Variants in BHLHA9 observed in about 807,000 individuals in gnomAD.
The protein encoded by BHLHA9 is basic helix-loop-helix family member a9.
For missense variants in BHLHA9, 344 were observed against 365.9 expected, an observed-to-expected ratio of 0.94 and a Z score of 0.49; for synonymous variants, 177 against 179.7, an observed-to-expected ratio of 0.98 and a Z score of 0.12.
chr17:1,270,978 C>T lies in BHLHA9; in HGVS notation c.415C>T (p.Pro139Ser), dbSNP rs2071878374. The T allele has an allele frequency of 2.4e-6, 3 of 1,227,472 alleles. No homozygotes were observed. Among genetic ancestry groups the T allele is most frequent in the Non-Finnish European group, 3.0e-6 (3 of 985,650 alleles). 76.0% of individuals were successfully genotyped at this position (1,227,472 alleles called of 1,614,324 possible). Residue 139 changes from proline to serine, a missense_variant, in exon 1 of 1, where the codon CCG becomes TCG. Pro to Ser is a moderately conservative substitution (Grantham distance 74). Transcript: ENST00000391429. ...GPCGHLECHG[P>S]AARGDTGDTG... is the part of the protein sequence containing the mutation. ...CTGCGGACACCTGGAGTGCCACGGC[C>T]CGGCCGCGCGCGGGGACACCGGGGA...
chr17:1,271,720 C>T lies in BHLHA9; in HGVS notation c.*449C>T, dbSNP rs1353289798. On this transcript the variant is annotated 3_prime_UTR_variant, in exon 1 of 1. Transcript: ENST00000391429. ...TCGTGGGCACATGAGTGCGGAGTCC[C>T]CTTCCCTGCCTGCGCTGCTGCCCAA... Among the ~76,000 whole-genome samples, 6 of 152,268 alleles carry T rather than the reference C, an allele frequency of 3.9e-5. No individual in the cohort carries two copies. The highest frequency in any genetic ancestry group is 3.9e-4 in the Admixed American group (6 of 15,294).
chr17:1,270,497 G>A lies in BHLHA9; in HGVS notation c.-67G>A. 1 of 949,468 alleles carries A rather than the reference G, an allele frequency of 1.1e-6. No individual in the cohort carries two copies. Among genetic ancestry groups the A allele is most frequent in the Non-Finnish European group, 1.4e-6 (1 of 725,492 alleles). The allele number at this position is 949,468 out of a possible 1,614,324, so 58.8% of individuals were successfully genotyped here. ...CCGTCCGCGTCGCGAGCCGGGCCAA[G>A]GCAGTGGGCAGAGGGCAGAGGGCAG... is the stretch of plus-strand genomic sequence containing the variant. On this transcript the variant is annotated 5_prime_UTR_variant, in exon 1 of 1. Transcript: ENST00000391429.
rs1057093010 is a variant in BHLHA9, at chr17:1,270,756, G to T, written c.193G>T (p.Ala65Ser). Residue 65 changes from alanine (A) to serine (S), a missense_variant, in exon 1 of 1, where the codon GCG (alanine) becomes TCG (serine). Ala to Ser is a moderately conservative substitution (Grantham distance 99). Coordinates refer to ENST00000391429, the MANE Select transcript of BHLHA9 (RefSeq NM_001164405.2). The part of the protein sequence containing the change: ...RRRARPVRSK[A>S]RRMAANVRER... ...GCGCGCGCGGCCGGTGCGGTCCAAGGCGCGGCGCATGGCCGCCAACGTGCG... is the reference window on the plus strand; with the variant it reads ...GCGCGCGCGGCCGGTGCGGTCCAAGTCGCGGCGCATGGCCGCCAACGTGCG... 30 of 1,453,604 alleles carry T rather than the reference G, an allele frequency of 2.1e-5. No individual in the cohort carries two copies. The highest frequency in any genetic ancestry group is 7.5e-5 in the Admixed American group (3 of 39,926). The allele number at this position is 1,453,604 out of a possible 1,614,324, so 90.0% of individuals were successfully genotyped here. A position where few individuals can be genotyped will look rare whatever the true frequency, so the allele number is the denominator to read the frequency against.
In BHLHA9 at chr17:1,270,751, C is replaced by G; in HGVS notation, c.188C>G (p.Ser63Cys). 6.9e-7 allele frequency: 1 copy of G among 1,449,120 alleles called. No homozygotes were observed. Among genetic ancestry groups the G allele is most frequent in the Non-Finnish European group, 9.1e-7 (1 of 1,104,892 alleles). The allele number at this position is 1,449,120 out of a possible 1,614,324, so 89.8% of individuals were successfully genotyped here. The change falls in exon 1 of 1, where the codon TCC (serine) becomes TGC (cysteine). Residue 63 changes from serine to cysteine, a missense_variant. Coordinates refer to ENST00000391429, the MANE Select transcript of BHLHA9 (RefSeq NM_001164405.2). The stretch of plus-strand genomic sequence containing the variant: ...AGGAGGCGCGCGCGGCCGGTGCGGT[C>G]CAAGGCGCGGCGCATGGCCGCCAAC... ...AGRRRARPVR[S>C]KARRMAANVR...
rs2071881806 is a variant in BHLHA9, at chr17:1,271,259, T to C, written c.696T>C (p.His232=). 6.4e-6 allele frequency: 8 copies of C among 1,253,522 alleles called. No individual in the cohort carries two copies. The highest frequency in any genetic ancestry group is 8.1e-6 in the Non-Finnish European group (8 of 991,478). The allele number at this position is 1,253,522 out of a possible 1,614,324, so 77.6% of individuals were successfully genotyped here. A position where few individuals can be genotyped will look rare whatever the true frequency, so the allele number is the denominator to read the frequency against. Residue 232 remains histidine (H), a synonymous_variant, in exon 1 of 1, where the codon CAT becomes CAC. Transcript: ENST00000391429. Reference sequence around the variant, plus strand: ...TGCGATCCGCCCCCGGGATGGGCCATCCGCGCTCCTGACCGGCCTCGAGGC... The same window carrying C: ...TGCGATCCGCCCCCGGGATGGGCCACCCGCGCTCCTGACCGGCCTCGAGGC... ...GYLRSAPGMG[H]PRS
At position 1,271,005 on chromosome 17, in the gene BHLHA9, AC is replaced by A; in HGVS notation, c.443del (p.Thr148LysfsTer50). The A allele has an allele frequency of 8.3e-7, 1 of 1,208,674 alleles. No homozygotes were observed. The highest frequency in any genetic ancestry group is 1.0e-6 in the Non-Finnish European group (1 of 974,180). The allele number at this position is 1,208,674 out of a possible 1,614,324, so 74.9% of individuals were successfully genotyped here. ...GPAARGDTGD[T>X]GASPPPPAGP... ...GGCCGCGCGCGGGGACACCGGGGAC[AC>A]AGGCGCCAGCCCCCCGCCGCCTGCA... On this transcript the variant is annotated frameshift_variant, in exon 1 of 1. Coordinates refer to ENST00000391429, the MANE Select transcript of BHLHA9 (RefSeq NM_001164405.2). LOFTEE classifies it low-confidence loss of function (END_TRUNC).
At position 1,270,987 on chromosome 17, in the gene BHLHA9, C is replaced by A. The variant is rs2071878722; in HGVS notation, c.424C>A (p.Arg142Ser). The change falls in exon 1 of 1, where the codon CGC becomes AGC. Residue 142 changes from arginine to serine, a missense_variant. Transcript: ENST00000391429. ...GHLECHGPAA[R>S]GDTGDTGASP... is the part of the protein sequence containing the mutation. ...CCTGGAGTGCCACGGCCCGGCCGCG[C>A]GCGGGGACACCGGGGACACAGGCGC... is the stretch of plus-strand genomic sequence containing the variant. 2 of 1,221,316 alleles carry A rather than the reference C, an allele frequency of 1.6e-6. No individual in the cohort carries two copies. Among genetic ancestry groups the A allele is most frequent in the African/African-American group, 1.6e-5 (1 of 63,332 alleles). The allele number at this position is 1,221,316 out of a possible 1,614,324, so 75.7% of individuals were successfully genotyped here.
chr17:1,270,689 T>G lies in BHLHA9; in HGVS notation c.126T>G (p.Ala42=), dbSNP rs979834408. Residue 42 remains alanine (A), a synonymous_variant, in exon 1 of 1, where the codon GCT becomes GCG. Transcript: ENST00000391429. ...GDSGVLGANG[A]SCSRGEAEEP... ...CGGGGGTGCTGGGGGCGAACGGCGC[T>G]TCCTGCAGCCGGGGCGAGGCGGAGG... 76 of 1,324,600 alleles carry G rather than the reference T, an allele frequency of 5.7e-5. No individual in the cohort carries two copies. The highest frequency in any genetic ancestry group is 2.5e-4 in the Middle Eastern group (1 of 4,038). 82.1% of individuals were successfully genotyped at this position (1,324,600 alleles called of 1,614,324 possible).
chr17:1,270,890 G>C lies in BHLHA9; in HGVS notation c.327G>C (p.Arg109Ser). The change falls in exon 1 of 1, where the codon AGG becomes AGC. Residue 109 changes from arginine (R) to serine (S), a missense_variant. Coordinates refer to ENST00000391429, the MANE Select transcript of BHLHA9 (RefSeq NM_001164405.2). ...TCTCCAAGATCGCCACGCTGCGCAG[G>C]GCCATCCACCGCATCGCCGCGCTCT... is the stretch of plus-strand genomic sequence containing the variant. ...KRLSKIATLR[R>S]AIHRIAALSL... 6.9e-7 allele frequency: 1 copy of C among 1,445,254 alleles called. No individual in the cohort carries two copies. Among genetic ancestry groups the C allele is most frequent in the Non-Finnish European group, 9.1e-7 (1 of 1,101,792 alleles). The allele number at this position is 1,445,254 out of a possible 1,614,324, so 89.5% of individuals were successfully genotyped here.
Position 1,270,481 on chromosome 17 carries a change from T to TGCGCCTCGTGCCCCCCGCA in BHLHA9, c.-83_-82insGCGCCTCGTGCCCCCCGCA. On this transcript the variant is annotated 5_prime_UTR_variant, in exon 1 of 1. Transcript: ENST00000391429. ...CCCCAGGAGCCGGGGACCGTCCGCG[T>TGCGCCTCGTGCCCCCCGCA]CGCGAGCCGGGCCAAGGCAGTGGGC... is the stretch of plus-strand genomic sequence containing the variant. 1.3e-6 allele frequency: 1 copy of TGCGCCTCGTGCCCCCCGCA among 793,816 alleles called. No individual in the cohort carries two copies. The highest frequency in any genetic ancestry group is 1.7e-6 in the Non-Finnish European group (1 of 586,050). The allele number at this position is 793,816 out of a possible 1,614,324, so 49.2% of individuals were successfully genotyped here.
At position 1,271,181 on chromosome 17, in the gene BHLHA9, C is replaced by A; in HGVS notation, c.618C>A (p.Arg206=). 1.6e-6 allele frequency: 2 copies of A among 1,245,984 alleles called. No homozygotes were observed. Among genetic ancestry groups the A allele is most frequent in the South Asian group, 7.4e-5 (2 of 26,850 alleles). The allele number at this position is 1,245,984 out of a possible 1,614,324, so 77.2% of individuals were successfully genotyped here. ...GLAQASGGSW[R]RCPGASSAGP... is the part of the protein sequence containing the mutation. Reference sequence around the variant, plus strand: ...CACAGGCCTCCGGGGGAAGCTGGCGCCGCTGTCCGGGGGCTTCCTCTGCCG... The same window carrying A: ...CACAGGCCTCCGGGGGAAGCTGGCGACGCTGTCCGGGGGCTTCCTCTGCCG... The change falls in exon 1 of 1, where the codon CGC becomes CGA. Residue 206 remains arginine, a synonymous_variant. Coordinates refer to ENST00000391429, the MANE Select transcript of BHLHA9 (RefSeq NM_001164405.2).
chr17:1,271,443 C>T lies in BHLHA9; in HGVS notation c.*172C>T. On this transcript the variant is annotated 3_prime_UTR_variant, in exon 1 of 1. Transcript: ENST00000391429. ...AGCTCCGGGACCCGGGGTTGCGCCC[C>T]CACATCCCAGCCTGGGGCAGAGAGA... 1 of 456,528 alleles carries T rather than the reference C, an allele frequency of 2.2e-6. No individual in the cohort carries two copies. Among genetic ancestry groups the T allele is most frequent in the Non-Finnish European group, 3.7e-6 (1 of 267,886 alleles). 28.3% of individuals were successfully genotyped at this position (456,528 alleles called of 1,614,324 possible).
rs1046808951 is a variant in BHLHA9 at position 1,270,718 on chromosome 17, C to T, written c.155C>T (p.Pro52Leu). The stretch of plus-strand genomic sequence containing the variant: ...TGCAGCCGGGGCGAGGCGGAGGAGC[C>T]GGCGGGCAGGAGGCGCGCGCGGCCG... ...ASCSRGEAEE[P>L]AGRRRARPVR... The change falls in exon 1 of 1, where the codon CCG becomes CTG. Residue 52 changes from proline (P) to leucine (L), a missense_variant. By Grantham distance (98) the Pro-to-Leu change is moderately conservative. Transcript: ENST00000391429. 11 of 1,342,662 alleles carry T rather than the reference C, an allele frequency of 8.2e-6. No individual in the cohort carries two copies. Among genetic ancestry groups the T allele is most frequent in the Non-Finnish European group, 9.5e-6 (10 of 1,056,510 alleles). The allele number at this position is 1,342,662 out of a possible 1,614,324, so 83.2% of individuals were successfully genotyped here.
At position 1,271,505 on chromosome 17, in the gene BHLHA9, CAGCCTAGGGAGGCAGTTGCCAGAA is replaced by C. The variant is rs1181071237; in HGVS notation, c.*237_*260del. ...GGCCTGGGGCTGCGCCCCCACATCC[CAGCCTAGGGAGGCAGTTGCCAGAA>C]AGGCTCAGGATCCTGAACTCATCTT... On this transcript the variant is annotated 3_prime_UTR_variant, in exon 1 of 1. Transcript: ENST00000391429. 1 of 399,206 alleles carries C rather than the reference CAGCCTAGGGAGGCAGTTGCCAGAA, an allele frequency of 2.5e-6. No individual in the cohort carries two copies. Among genetic ancestry groups the C allele is most frequent in the African/African-American group, 2.1e-5 (1 of 48,204 alleles). 24.7% of individuals were successfully genotyped at this position (399,206 alleles called of 1,614,324 possible). A position where few individuals can be genotyped will look rare whatever the true frequency, so the allele number is the denominator to read the frequency against.
At position 1,270,796 on chromosome 17, in the gene BHLHA9, T is replaced by A; in HGVS notation, c.233T>A (p.Ile78Asn). 6.8e-7 allele frequency: 1 copy of A among 1,474,790 alleles called. No individual in the cohort carries two copies. 91.4% of individuals were successfully genotyped at this position (1,474,790 alleles called of 1,614,324 possible). The change falls in exon 1 of 1, where the codon ATC becomes AAC. Residue 78 changes from isoleucine (I) to asparagine (N), a missense_variant. Coordinates refer to ENST00000391429, the MANE Select transcript of BHLHA9 (RefSeq NM_001164405.2). The stretch of plus-strand genomic sequence containing the variant: ...GCCAACGTGCGGGAGCGCAAGCGCA[T>A]CCTAGACTACAACGAGGCCTTCAAC... ...MAANVRERKRILDYNEAFNAL... is the reference protein window; with the variant it reads ...MAANVRERKRNLDYNEAFNAL...
chr17:1,270,635 G>A lies in BHLHA9; in HGVS notation c.72G>A (p.Gly24=). The change falls in exon 1 of 1, where the codon GGG becomes GGA. Residue 24 remains glycine (G), a synonymous_variant. Coordinates refer to ENST00000391429, the MANE Select transcript of BHLHA9 (RefSeq NM_001164405.2). The part of the protein sequence containing the change: ...KGAEDSAEDL[G]GPCPEPGGDS... ...CCGAGGACTCTGCGGAGGACTTGGG[G>A]GGCCCCTGCCCCGAGCCCGGGGGCG... The A allele has an allele frequency of 7.7e-7, 1 of 1,300,562 alleles. No homozygotes were observed. The highest frequency in any genetic ancestry group is 9.7e-7 in the Non-Finnish European group (1 of 1,030,910). 80.6% of individuals were successfully genotyped at this position (1,300,562 alleles called of 1,614,324 possible). A position where few individuals can be genotyped will look rare whatever the true frequency, so the allele number is the denominator to read the frequency against.
At position 1,270,838 on chromosome 17, in the gene BHLHA9, T is replaced by G. The variant is rs2071876819; in HGVS notation, c.275T>G (p.Leu92Arg). 1 of 1,476,726 alleles carries G rather than the reference T, an allele frequency of 6.8e-7. No homozygotes were observed. The highest frequency in any genetic ancestry group is 1.5e-5 in the African/African-American group (1 of 68,174). 91.5% of individuals were successfully genotyped at this position (1,476,726 alleles called of 1,614,324 possible). ...NEAFNALRRALRHDLGGKRLS... is the reference protein window; with the variant it reads ...NEAFNALRRARRHDLGGKRLS... ...GCCTTCAACGCGCTGCGCCGGGCGC[T>G]GCGGCACGACCTGGGCGGCAAGAGG... Residue 92 changes from leucine (L) to arginine (R), a missense_variant, in exon 1 of 1, where the codon CTG (leucine) becomes CGG (arginine). Transcript: ENST00000391429.
Position 1,270,891 on chromosome 17 carries a change from G to A in BHLHA9, c.328G>A (p.Ala110Thr), listed in dbSNP as rs865837846. The stretch of plus-strand genomic sequence containing the variant: ...CTCCAAGATCGCCACGCTGCGCAGG[G>A]CCATCCACCGCATCGCCGCGCTCTC... ...RLSKIATLRRAIHRIAALSLV... is the reference protein window; with the variant it reads ...RLSKIATLRRTIHRIAALSLV... The change falls in exon 1 of 1, where the codon GCC becomes ACC. Residue 110 changes from alanine to threonine, a missense_variant. By Grantham distance (58) the Ala-to-Thr change is moderately conservative. Coordinates refer to ENST00000391429, the MANE Select transcript of BHLHA9 (RefSeq NM_001164405.2). 1 of 1,443,054 alleles carries A rather than the reference G, an allele frequency of 6.9e-7. No homozygotes were observed. The highest frequency in any genetic ancestry group is 9.1e-7 in the Non-Finnish European group (1 of 1,100,622). 89.4% of individuals were successfully genotyped at this position (1,443,054 alleles called of 1,614,324 possible).
In BHLHA9 at chr17:1,271,063, G is replaced by A. The variant is rs1381062671; in HGVS notation, c.500G>A (p.Arg167His). The A allele has an allele frequency of 3.4e-6, 4 of 1,193,032 alleles. No individual in the cohort carries two copies. The highest frequency in any genetic ancestry group is 3.1e-6 in the Non-Finnish European group (3 of 965,560). The allele number at this position is 1,193,032 out of a possible 1,614,324, so 73.9% of individuals were successfully genotyped here. A position where few individuals can be genotyped will look rare whatever the true frequency, so the allele number is the denominator to read the frequency against. Residue 167 changes from arginine to histidine, a missense_variant, in exon 1 of 1, where the codon CGC becomes CAC. By Grantham distance (29) the Arg-to-His change is conservative. Coordinates refer to ENST00000391429, the MANE Select transcript of BHLHA9 (RefSeq NM_001164405.2). The part of the protein sequence containing the change: ...GPSLARPDAA[R>H]PSVPSAPRCA... ...AGCCTCGCGCGCCCAGACGCCGCCC[G>A]CCCCTCGGTGCCGTCCGCGCCCCGC...
Sources: allele counts gnomAD v4.1 joint callset (sites outside exome capture counted in the v4.1 genomes callset), GRCh38; gene constraint gnomAD v4.1.1; transcripts MANE v1.5; gene names NCBI Gene and HGNC (gene_info 2026-07-23, HGNC 2026-07-21).